KCNIP4: variants seen among roughly 807,000 people sequenced by gnomAD.
The protein encoded by KCNIP4 is Kv channel-interacting protein 4.
KCNIP4 carries 12 observed loss-of-function variants against 34.0 expected under a neutral mutation model. The observed-to-expected ratio is 0.35, with a 90% CI of 0.23 to 0.57. The LOEUF is 0.57. KCNIP4 is among the 20% of genes least tolerant of loss of function. KCNIP4 has a pLI of 0.83. For synonymous variants in KCNIP4, 124 were observed against 102.2 expected, an observed-to-expected ratio of 1.21 and a Z score of -1.29; for missense variants, 238 against 311.7, an observed-to-expected ratio of 0.76 and a Z score of 1.78.
At position 21,504,465 on chromosome 4, in the gene KCNIP4, C is replaced by CAAAAAAAAAAA. The variant is rs376644707; in HGVS notation, c.61+444095_61+444105dup. On this transcript the variant is annotated intron_variant, in intron 1 of 8. Transcript: ENST00000382152. ...CCTGGGCAATAGAATGACTCCAACT[C>CAAAAAAAAAAA]AAAAAAAAAAAAAGAAAGAAAGAAA... Among the ~76,000 whole-genome samples the CAAAAAAAAAAA allele has an allele frequency of 2.6e-3, 144 of 56,262 alleles. 6 individuals carry two copies. The highest frequency in any genetic ancestry group is 9.2e-3 in the African/African-American group (107 of 11,604). 36.9% of individuals were successfully genotyped at this position (56,262 alleles called of 152,430 possible).
chr4:21,244,688 G>T (rs1417912599), intron 1 of KCNIP4, among the ~76,000 whole-genome samples: 1 of 152,152 alleles, frequency 6.6e-6, no homozygotes, highest in Non-Finnish European at 1.5e-5. Context: ...AATGAATCAT[G>T]AAATTCTTAA....
Position 21,051,414 on chromosome 4 carries a change from T to G in KCNIP4, c.62-168705A>C, listed in dbSNP as rs144329506. On this transcript the variant is annotated intron_variant, in intron 1 of 8. Transcript: ENST00000382152. Reference sequence around the variant, plus strand: ...CATTATTGACAGATGATTTCTTTGTTTGTTTAATAAAAAGCAGTAATTAAT... The same window carrying G: ...CATTATTGACAGATGATTTCTTTGTGTGTTTAATAAAAAGCAGTAATTAAT... Among the ~76,000 whole-genome samples the G allele has an allele frequency of 3.2e-3, 493 of 152,324 alleles. 2 individuals carry two copies. The highest frequency in any genetic ancestry group is 0.011 in the African/African-American group (450 of 41,572).
chr4:21,505,279 A>G (rs1733744474), intron 1 of KCNIP4, among the ~76,000 whole-genome samples: 1 of 152,102 alleles, frequency 6.6e-6, no homozygotes, highest in African/African-American at 2.4e-5. Context: ...CAGGAAAAAA[A>G]AAAAAAGATC....
At chr4:21,778,766 T>C (rs1275435879) in intron 1 of KCNIP4, among the ~76,000 whole-genome samples, 1 of 152,098 alleles carries the variant, frequency 6.6e-6, no homozygotes, top group African/African-American at 2.4e-5. Flanking sequence ...TATACTCCAG[T>C]GAAGTAATAA....
chr4:21,156,650 G>A (rs1443425784), intron 1 of KCNIP4, among the ~76,000 whole-genome samples: 2 of 152,120 alleles, frequency 1.3e-5, no homozygotes, highest in Non-Finnish European at 2.9e-5. Context: ...GGGAAGATCT[G>A]CCTAAGACAC....
chr4:21,438,085 A>G (rs1239932026), intron 1 of KCNIP4, among the ~76,000 whole-genome samples: 1 of 152,124 alleles, frequency 6.6e-6, no homozygotes, highest in Admixed American at 6.5e-5. Context: ...CTTGCCAGAT[A>G]TTTTCAAAGC....
chr4:21,156,303 C>T (rs1753142672), intron 1 of KCNIP4, among the ~76,000 whole-genome samples: 1 of 152,144 alleles, frequency 6.6e-6, no homozygotes, highest in Non-Finnish European at 1.5e-5. Flanking sequence ...ATGCTCATGA[C>T]TGGATTTTAC....
chr4:21,928,118 A>ATG (rs1254658478), intron 1 of KCNIP4, among the ~76,000 whole-genome samples: 1 of 124,696 alleles, frequency 8.0e-6, no homozygotes, highest in Admixed American at 8.6e-5. Context: ...CTATATATAT[A>ATG]TATATATATA....
chr4:21,323,159 T>TTAC (rs1281424066), intron 1 of KCNIP4, among the ~76,000 whole-genome samples: 1 of 68,970 alleles, frequency 1.4e-5, no homozygotes, highest in African/African-American at 6.4e-5. Flanking sequence ...TATATATATA[T>TTAC]ATATGTATAT....
chr4:21,898,063 G>A (rs996597587), intron 1 of KCNIP4, among the ~76,000 whole-genome samples: 16 of 152,166 alleles, frequency 1.1e-4, no homozygotes, highest in Non-Finnish European at 2.4e-4. Flanking sequence ...CTCAGCCAGT[G>A]TGGATGGAGG....
intron 3 of KCNIP4, among the ~76,000 whole-genome samples, chr4:20,803,074 CAAAAAAA>C (rs4054902): frequency 1.3e-5 from 1 of 78,330 alleles, no homozygotes. Flanking sequence ...GACTCTGCCT[CAAAAAAA>C]AAAAAAAAAA....
chr4:21,748,265 G>C (rs561631342), intron 1 of KCNIP4, among the ~76,000 whole-genome samples: 1 of 152,232 alleles, frequency 6.6e-6, no homozygotes, highest in African/African-American at 2.4e-5. Flanking sequence ...CAAAGGGTTG[G>C]GTATTGGCTC....
chr4:21,114,168 T>G (rs1749490848), intron 1 of KCNIP4, among the ~76,000 whole-genome samples: 1 of 152,140 alleles, frequency 6.6e-6, no homozygotes, highest in South Asian at 2.1e-4. Flanking sequence ...CATACAGAAA[T>G]AAGGCCTCCT....
rs562604900 is a variant in KCNIP4 at position 21,749,142 on chromosome 4, T to C, written c.61+199429A>G. On this transcript the variant is annotated intron_variant, in intron 1 of 8. Coordinates refer to ENST00000382152, the MANE Select transcript of KCNIP4 (RefSeq NM_025221.6). ...TTCAAGCATTATTTCTAAGAATTGATGTTATCCAAACATGTCTTCAAAATT... is the reference window on the plus strand; with the variant it reads ...TTCAAGCATTATTTCTAAGAATTGACGTTATCCAAACATGTCTTCAAAATT... 3.3e-5 allele frequency among the ~76,000 whole-genome samples: 5 copies of C among 152,290 alleles called. No homozygotes were observed. In the South Asian group the frequency reaches 6.2e-4, roughly 19 times the overall value.
chr4:20,757,528 T>A (rs2149356326), intron 4 of KCNIP4, among the ~76,000 whole-genome samples: 1 of 152,236 alleles, frequency 6.6e-6, no homozygotes, highest in South Asian at 2.1e-4. Context: ...CATTGTACAC[T>A]CTCTACCCTA....
intron 1 of KCNIP4, among the ~76,000 whole-genome samples, chr4:21,211,613 A>C (rs1757229850): frequency 6.6e-6 from 1 of 152,136 alleles, no homozygotes; most frequent in Non-Finnish European, 1.5e-5. Context: ...CCCTGCTGCC[A>C]AAAAGATTGG....
chr4:21,229,666 C>T (rs545616417), intron 1 of KCNIP4, among the ~76,000 whole-genome samples: 44 of 152,186 alleles, frequency 2.9e-4, no homozygotes, highest in African/African-American at 1.0e-3. Context: ...GATGCACAGC[C>T]AGCAATGCAG....
chr4:20,865,476 C>T (rs1722783760), intron 2 of KCNIP4, among the ~76,000 whole-genome samples: 1 of 151,862 alleles, frequency 6.6e-6, no homozygotes, highest in Non-Finnish European at 1.5e-5. Context: ...TTATGTCCAT[C>T]AATAAACAAA....
intron 1 of KCNIP4, chr4:21,845,198 T>C (rs1179103249): frequency 6.6e-6 from 1 of 152,076 alleles, no homozygotes; most frequent in Non-Finnish European, 1.5e-5. Context: ...ATTGCTTCTG[T>C]AAAGGACCAG....
Sources: allele counts gnomAD v4.1 joint callset (sites outside exome capture counted in the v4.1 genomes callset), GRCh38; gene constraint gnomAD v4.1.1; transcripts MANE v1.5; gene names NCBI Gene and HGNC (gene_info 2026-07-23, HGNC 2026-07-21).